PCP4: variants seen among roughly 807,000 people sequenced by gnomAD.
PCP4 encodes calmodulin regulator protein PCP4.
Under a neutral mutation model 10.0 loss-of-function variants are expected in PCP4, and 8 were observed. That is an observed-to-expected ratio of 0.80 (90% confidence interval 0.47 to 1.45). PCP4 has a LOEUF of 1.45. Among genes scored for constraint, PCP4 ranks in the 40% most tolerant of loss-of-function variants. The pLI is 0.00. For missense variants in PCP4, 54 were observed against 74.4 expected (o/e 0.73, Z 1.01); for synonymous variants, 21 against 23.0 (o/e 0.91, Z 0.24).
At chr21:39,870,601 C>T (rs2087314995) in intron 1 of PCP4, among the ~76,000 whole-genome samples, 1 of 152,180 alleles carries the variant, frequency 6.6e-6, no homozygotes, top group Non-Finnish European at 1.5e-5. Context: ...CCCACGTTCT[C>T]CTTTAGGTGT....
chr21:39,921,451 A>G (rs1421557332), intron 2 of PCP4, among the ~76,000 whole-genome samples: 2 of 152,214 alleles, frequency 1.3e-5, no homozygotes, highest in African/African-American at 4.8e-5. Flanking sequence ...TCCAAACTAC[A>G]GATTACAGAA....
In PCP4 at chr21:39,903,871, AAAAAC is replaced by A. The variant is rs1342704639; in HGVS notation, c.61+5349_61+5353del. On this transcript the variant is annotated intron_variant, in intron 2 of 2. Transcript: ENST00000328619. ...CTAAAGAGTGGGACTCCGTCTCAAAAAAAACAAAAAAAAAAAAAAAAAAAAGACTT... is the reference window on the plus strand; with the variant it reads ...CTAAAGAGTGGGACTCCGTCTCAAAAAAAAAAAAAAAAAAAAAAAAGACTT... Among the ~76,000 whole-genome samples, 45 of 134,548 alleles carry A rather than the reference AAAAAC, an allele frequency of 3.3e-4. 2 individuals carry two copies. The highest frequency in any genetic ancestry group is 7.1e-4 in the African/African-American group (25 of 34,982). The allele number at this position is 134,548 out of a possible 152,430, so 88.3% of individuals were successfully genotyped here.
chr21:39,886,896 A>C (rs1266610129), intron 1 of PCP4, among the ~76,000 whole-genome samples: 2 of 152,246 alleles, frequency 1.3e-5, no homozygotes, highest in Non-Finnish European at 2.9e-5. Flanking sequence ...AACTCTGATT[A>C]GTTGAATTGT....
chr21:39,906,497 A>G lies in PCP4; in HGVS notation c.61+7970A>G, dbSNP rs2087510765. Among the ~76,000 whole-genome samples, 2 of 152,094 alleles carry G rather than the reference A, an allele frequency of 1.3e-5. No homozygotes were observed. Among genetic ancestry groups the G allele is most frequent in the Admixed American group, 1.3e-4 (2 of 15,264 alleles). The stretch of plus-strand genomic sequence containing the variant: ...CAACATGTTCATTTATAGCCTCTTC[A>G]TATTTCACCTGCCCTCTTCCTCACC... On this transcript the variant is annotated intron_variant, in intron 2 of 2. Coordinates refer to ENST00000328619, the MANE Select transcript of PCP4 (RefSeq NM_006198.3). The surrounding 1 kb of genome is among the most constrained non-coding windows in gnomAD (Gnocchi z 6.3).
intron 1 of PCP4, among the ~76,000 whole-genome samples, chr21:39,874,286 AC>A (rs1280195232): frequency 5.9e-5 from 9 of 152,306 alleles, no homozygotes; most frequent in Non-Finnish European, 1.2e-4. Flanking sequence ...CCAGCCATAC[AC>A]GAGTCAGACC....
At chr21:39,918,533 C>T (rs773996618) in intron 2 of PCP4, among the ~76,000 whole-genome samples, 3 of 152,160 alleles carry the variant, frequency 2.0e-5, no homozygotes, top group Non-Finnish European at 2.9e-5. Context: ...GAATTGTTCG[C>T]TCTTGGAAAA....
intron 2 of PCP4, among the ~76,000 whole-genome samples, chr21:39,898,828 A>T (rs1229563042): frequency 6.6e-6 from 1 of 152,222 alleles, no homozygotes; most frequent in East Asian, 1.9e-4. Flanking sequence ...GGTGAGAATC[A>T]TCCAAGTTGT....
intron 2 of PCP4, among the ~76,000 whole-genome samples, chr21:39,924,363 A>C (rs1046529018): frequency 2.0e-5 from 3 of 152,190 alleles, no homozygotes; most frequent in Non-Finnish European, 4.4e-5. Context: ...CTTTTTTCAG[A>C]GTCACAGAGC....
intron 1 of PCP4, among the ~76,000 whole-genome samples, chr21:39,874,436 C>G (rs1401774960): frequency 6.6e-6 from 1 of 152,162 alleles, no homozygotes; most frequent in African/African-American, 2.4e-5. Context: ...AGTGGCATGA[C>G]AAAAGACACA....
At chr21:39,896,993 T>C (rs1440313915) in intron 1 of PCP4, among the ~76,000 whole-genome samples, 4 of 152,166 alleles carry the variant, frequency 2.6e-5, no homozygotes, top group Admixed American at 6.5e-5. Flanking sequence ...TAGCAATTCC[T>C]GAGGTCAAGG....
intron 1 of PCP4, among the ~76,000 whole-genome samples, chr21:39,895,396 C>T (rs974542063): frequency 1.3e-5 from 2 of 152,252 alleles, no homozygotes; most frequent in African/African-American, 2.4e-5. Flanking sequence ...TCTCAAAACT[C>T]CAGCCTGTGG....
intron 1 of PCP4, among the ~76,000 whole-genome samples, chr21:39,868,080 C>T (rs1424903325): frequency 1.3e-5 from 2 of 152,138 alleles, no homozygotes; most frequent in African/African-American, 2.4e-5. Context: ...GAGGCGGCCC[C>T]GGCAGAAGAA....
intron 1 of PCP4, 62 bp from the exon 2 acceptor site, chr21:39,898,414 A>T (rs1250965113): frequency 7.5e-7 from 1 of 1,325,386 alleles, no homozygotes; most frequent in South Asian, 1.2e-5. Context: ...AATAAAAGAG[A>T]CAAAAGTAAT....
At chr21:39,915,981 G>T (rs1475194947) in intron 2 of PCP4, 1 of 152,238 alleles carries the variant, frequency 6.6e-6, no homozygotes, top group African/African-American at 2.4e-5. Context: ...AGCTTGCACA[G>T]AGGGGTTATC....
intron 2 of PCP4, among the ~76,000 whole-genome samples, chr21:39,919,227 T>C (rs2087583181): frequency 6.6e-6 from 1 of 152,202 alleles, no homozygotes; most frequent in African/African-American, 2.4e-5. Context: ...GCCGAGGGGA[T>C]CCCAGCTAAG....
intron 1 of PCP4, among the ~76,000 whole-genome samples, chr21:39,868,283 A>C (rs1300608345): frequency 6.6e-6 from 1 of 152,128 alleles, no homozygotes; most frequent in African/African-American, 2.4e-5. Flanking sequence ...ATGCATCTTC[A>C]TTTCCTCTTG....
At chr21:39,921,785 G>A (rs2299795) in intron 2 of PCP4, among the ~76,000 whole-genome samples, 49,841 of 152,058 alleles carry the variant, frequency 0.33, 8,632 homozygotes, top group Middle Eastern at 0.4. Context: ...CTGGCCTCCA[G>A]AACTGTGGGA....
intron 1 of PCP4, among the ~76,000 whole-genome samples, chr21:39,869,746 G>A (rs2087310971): frequency 6.6e-6 from 1 of 152,256 alleles, no homozygotes; most frequent in Admixed American, 6.5e-5. Context: ...TTTCTGGGTA[G>A]AGAACTCGAT....
intron 2 of PCP4, among the ~76,000 whole-genome samples, chr21:39,923,355 A>G (rs2087606102): frequency 6.6e-6 from 1 of 152,224 alleles, no homozygotes; most frequent in African/African-American, 2.4e-5. Context: ...GTTACAGTGC[A>G]GCATTTTGCC....
Sources: allele counts gnomAD v4.1 joint callset (sites outside exome capture counted in the v4.1 genomes callset), GRCh38; gene constraint gnomAD v4.1.1; non-coding constraint Gnocchi (gnomAD v3.1); transcripts MANE v1.5; gene names NCBI Gene and HGNC (gene_info 2026-07-23, HGNC 2026-07-21).